Variants in ADGB observed in about 807,000 individuals in gnomAD.
ADGB encodes the protein androglobin.
ADGB carries 172 observed loss-of-function variants against 210.5 expected under a neutral mutation model. That is an observed-to-expected ratio of 0.82 (90% CI 0.72 to 0.93). The LOEUF is 0.93. Ranked by LOEUF, ADGB falls within the 40% of genes least tolerant of loss-of-function variation. The pLI is 0.00. For synonymous variants in ADGB, 658 were observed against 662.7 expected, an observed-to-expected ratio of 0.99 and a Z score of 0.11; for missense variants, 2,025 against 1,964.8, an observed-to-expected ratio of 1.03 and a Z score of -0.58.
rs953286958 is a variant in ADGB at position 146,642,926 on chromosome 6, T to TA, written c.238-1840dup. On this transcript the variant is annotated intron_variant, in intron 2 of 35. Transcript: ENST00000397944. Reference sequence around the variant, plus strand: ...CAATTATAAAATAAAAGGGTTCTTTTAAAAAAATTAACAGACATGAAAAGA... The same window carrying TA: ...CAATTATAAAATAAAAGGGTTCTTTTAAAAAAAATTAACAGACATGAAAAGA... Among the ~76,000 whole-genome samples, 28 of 151,792 alleles carry TA rather than the reference T, an allele frequency of 1.8e-4. 1 individual carries two copies. Among genetic ancestry groups the TA allele is most frequent in the African/African-American group, 5.6e-4 (23 of 41,380 alleles).
At chr6:146,786,211 ATATAT>A (rs1412960576) in intron 32 of ADGB, among the ~76,000 whole-genome samples, 1 of 148,124 alleles carries the variant, frequency 6.8e-6, no homozygotes, top group Non-Finnish European at 1.5e-5. Context: ...ATATTTAAGT[ATATAT>A]TATAATATTA....
At chr6:146,669,762 G>GTT (rs1245068034) in intron 7 of ADGB, among the ~76,000 whole-genome samples, 2 of 152,018 alleles carry the variant, frequency 1.3e-5, no homozygotes, top group Non-Finnish European at 2.9e-5. Context: ...TGATTTTCAA[G>GTT]TTTATGCCTG....
In ADGB at chr6:146,614,923, CAG is replaced by C. The variant is rs576033774; in HGVS notation, c.74+15812_74+15813del. ...AGATCTCAGATTCTTTTTTTTGAGA[CAG>C]AGTCTCGCTCTGTCGCCCAGGCTGG... On this transcript the variant is annotated intron_variant, in intron 1 of 35. Coordinates refer to ENST00000397944, the MANE Select transcript of ADGB (RefSeq NM_024694.4). Among the ~76,000 whole-genome samples, 18 of 152,150 alleles carry C rather than the reference CAG, an allele frequency of 1.2e-4. No individual in the cohort carries two copies. The South Asian group carries it at 3.1e-3, about 26-fold the overall frequency.
intron 12 of ADGB, among the ~76,000 whole-genome samples, chr6:146,693,674 G>C (rs1022856292): frequency 6.6e-6 from 1 of 152,034 alleles, no homozygotes; most frequent in African/African-American, 2.4e-5. Flanking sequence ...TTCCCAATAT[G>C]GATAGGCTGA....
rs931114964 is a variant in ADGB at position 146,740,327 on chromosome 6, G to A, written c.2889-132G>A. ...ATCAGGGACTACACAGACCCCCTTTGATCAAGATCTCAATCTAGCCAACAA... is the reference window on the plus strand; with the variant it reads ...ATCAGGGACTACACAGACCCCCTTTAATCAAGATCTCAATCTAGCCAACAA... On this transcript the variant is annotated intron_variant, in intron 23 of 35. Coordinates refer to ENST00000397944, the MANE Select transcript of ADGB (RefSeq NM_024694.4). 57 of 808,328 alleles carry A rather than the reference G, an allele frequency of 7.1e-5. No homozygotes were observed. The East Asian group carries it at 1.6e-3, about 22-fold the overall frequency. 50.1% of individuals were successfully genotyped at this position (808,328 alleles called of 1,614,324 possible).
intron 35 of ADGB, among the ~76,000 whole-genome samples, chr6:146,813,555 A>G (rs116364583): frequency 0.022 from 3,358 of 152,312 alleles, 133 homozygotes; most frequent in African/African-American, 0.077. Context: ...CTGCTAGAAT[A>G]TAGACTATAT....
At chr6:146,695,440 G>A (rs1776389408) in intron 12 of ADGB, among the ~76,000 whole-genome samples, 1 of 151,964 alleles carries the variant, frequency 6.6e-6, no homozygotes, top group Non-Finnish European at 1.5e-5. Context: ...TAGTAACTTG[G>A]AAATCATAGG....
At chr6:146,674,339 C>T (rs1776055771) in intron 8 of ADGB, among the ~76,000 whole-genome samples, 1 of 151,674 alleles carries the variant, frequency 6.6e-6, no homozygotes, top group African/African-American at 2.4e-5. Context: ...ATTTGTGAAT[C>T]TAGTGAAGGA....
intron 3 of ADGB, among the ~76,000 whole-genome samples, chr6:146,645,526 C>G (rs933296081): frequency 2.0e-5 from 3 of 151,984 alleles, no homozygotes; most frequent in Non-Finnish European, 2.9e-5. Flanking sequence ...TTCCTTGAAT[C>G]TGCTATTACT....
intron 3 of ADGB, among the ~76,000 whole-genome samples, chr6:146,653,293 A>G (rs1183541679): frequency 6.6e-6 from 1 of 152,110 alleles, no homozygotes; most frequent in East Asian, 1.9e-4. Flanking sequence ...ATGGAATAAC[A>G]GTGGAAATAA....
chr6:146,730,431 T>A (rs983901497), intron 20 of ADGB, among the ~76,000 whole-genome samples: 3 of 152,162 alleles, frequency 2.0e-5, no homozygotes, highest in Non-Finnish European at 4.4e-5. Flanking sequence ...ATAAGCAATA[T>A]GTAGTCTTCA....
chr6:146,745,884 G>C, intron 25 of ADGB, 38 bp from the exon 26 acceptor site: 1 of 1,463,058 alleles, frequency 6.8e-7, no homozygotes, highest in Non-Finnish European at 9.2e-7. Flanking sequence ...GAATAATAAC[G>C]ACATAATTCA....
intron 9 of ADGB, among the ~76,000 whole-genome samples, chr6:146,681,582 T>TGAAGCAAA (rs1467915708): frequency 1.3e-5 from 2 of 152,050 alleles, no homozygotes; most frequent in Non-Finnish European, 2.9e-5. Flanking sequence ...GTGGCCTCTA[T>TGAAGCAAA]GAAGCAAAGA....
intron 27 of ADGB, among the ~76,000 whole-genome samples, chr6:146,759,990 A>G (rs1263420628): frequency 6.6e-6 from 1 of 151,828 alleles, no homozygotes; most frequent in Non-Finnish European, 1.5e-5. Flanking sequence ...GTAGAGTCTC[A>G]TACATTAGGG....
Position 146,767,164 on chromosome 6 carries a change from G to T in ADGB, c.3751-1856G>T, listed in dbSNP as rs991684117. Among the ~76,000 whole-genome samples the T allele has an allele frequency of 7.9e-5, 12 of 152,190 alleles. 1 individual carries two copies. The highest frequency in any genetic ancestry group is 6.5e-4 in the Admixed American group (10 of 15,284). ...TGTAAGTGTGTTCCTATTAAAATTGGAATAAGAAAAGAATGCTTGCTATAA... is the reference window on the plus strand; with the variant it reads ...TGTAAGTGTGTTCCTATTAAAATTGTAATAAGAAAAGAATGCTTGCTATAA... On this transcript the variant is annotated intron_variant, in intron 28 of 35. Transcript: ENST00000397944.
intron 16 of ADGB, 77 bp from the exon 17 acceptor site, chr6:146,721,326 C>A: frequency 1.1e-6 from 1 of 922,910 alleles, no homozygotes; most frequent in Non-Finnish European, 1.7e-6. Flanking sequence ...AGATGTTATA[C>A]TATGTTTTCA....
intron 28 of ADGB, among the ~76,000 whole-genome samples, chr6:146,765,084 C>T (rs1361048323): frequency 4.6e-5 from 7 of 152,062 alleles, no homozygotes. Flanking sequence ...CAGGTGCGAG[C>T]CACCGTGCCT....
intron 35 of ADGB, among the ~76,000 whole-genome samples, chr6:146,812,238 A>C (rs1301425602): frequency 1.3e-5 from 2 of 151,812 alleles, no homozygotes; most frequent in African/African-American, 4.9e-5. Flanking sequence ...GGTTCATATA[A>C]ATGACAAAGA....
intron 26 of ADGB, among the ~76,000 whole-genome samples, chr6:146,746,731 TAAA>T (rs1777244747): frequency 6.6e-6 from 1 of 152,210 alleles, no homozygotes; most frequent in African/African-American, 2.4e-5. Flanking sequence ...CTCCTGCTTT[TAAA>T]CCTTTGATAA....
Sources: gnomAD v4.1 joint callset for allele counts (sites outside exome capture counted in the v4.1 genomes callset) on GRCh38, gnomAD v4.1.1 for gene constraint, MANE v1.5 for transcripts, NCBI Gene and HGNC (gene_info 2026-07-23, HGNC 2026-07-21) for gene names.